The following NAAA variants were observed in gnomAD, a reference collection of about 807,000 sequenced individuals.
NAAA encodes the protein N-acylethanolamine acid amidase, also known as N-acylethanolamine-hydrolyzing acid amidase.
In NAAA, 39 loss-of-function variants were observed where a neutral mutation model predicts 44.8. That is an observed-to-expected ratio of 0.87 (90% confidence interval 0.67 to 1.14). The LOEUF (loss-of-function observed/expected upper bound fraction) is 1.14. Ranked by LOEUF, NAAA falls within the 50% of genes most tolerant of loss-of-function variation. The pLI, the probability that NAAA is intolerant of heterozygous loss-of-function variation, is 0.00. For synonymous variants in NAAA, 178 were observed against 191.3 expected (o/e 0.93, Z 0.58); for missense variants, 460 against 467.8 (o/e 0.98, Z 0.15).
At chr4:75,912,563 A>AC (rs1725373278), downstream of NAAA, among the ~76,000 whole-genome samples, 1 of 151,442 alleles carries the variant, frequency 6.6e-6, no homozygotes, top group Non-Finnish European at 1.5e-5. Flanking sequence ...GGAAAAAAAA[A>AC]AAAAAAAAGA....
At chr4:75,939,885 T>C (rs72651387) in intron 2 of NAAA, 116 bp downstream of exon 2, 113,379 of 1,226,196 alleles carry the variant, frequency 0.092, 7,895 homozygotes, top group African/African-American at 0.34. Context: ...TGGAGGTTTC[T>C]AGGCAAGCAG....
At chr4:75,927,013 A>G (rs1172746158) in intron 4 of NAAA, among the ~76,000 whole-genome samples, 1 of 151,950 alleles carries the variant, frequency 6.6e-6, no homozygotes, top group Non-Finnish European at 1.5e-5. Flanking sequence ...CAAAACAAAA[A>G]AAAAATGGGC....
chr4:75,913,599 A>C, downstream of NAAA: 3 of 825,820 alleles, frequency 3.6e-6, no homozygotes, highest in Non-Finnish European at 4.4e-6. Flanking sequence ...CTTTCTCAGG[A>C]CAGCAGTTCA....
chr4:75,915,062 T>TTGG, intron 9 of NAAA, 77 bp from the exon 10 acceptor site: 3 of 1,078,296 alleles, frequency 2.8e-6, no homozygotes, highest in Non-Finnish European at 4.3e-6. Context: ...GACCAAGTGC[T>TTGG]TCCCTAACAC....
chr4:75,927,653 A>AC (rs796121702), intron 4 of NAAA, among the ~76,000 whole-genome samples: 4 of 134,582 alleles, frequency 3.0e-5, no homozygotes, highest in African/African-American at 1.0e-4. Flanking sequence ...CCCCCGCCAA[A>AC]AAAAATAGCT....
intron 8 of NAAA, 92 bp downstream of exon 8, chr4:75,919,817 C>T: frequency 1.6e-6 from 2 of 1,267,782 alleles, no homozygotes; most frequent in Non-Finnish European, 2.3e-6. Context: ...CTAACGTTTT[C>T]ATCTACCAGA....
chr4:75,934,704 A>G (rs1043769564), intron 3 of NAAA, among the ~76,000 whole-genome samples: 5 of 152,172 alleles, frequency 3.3e-5, no homozygotes, highest in African/African-American at 7.2e-5. Context: ...TCTTAATTTC[A>G]TAAAACAATT....
chr4:75,911,186 C>T (rs1725309464), downstream of NAAA, among the ~76,000 whole-genome samples: 1 of 152,150 alleles, frequency 6.6e-6, no homozygotes, highest in South Asian at 2.1e-4. Context: ...GAACAAATCA[C>T]AATGGTGAAA....
At position 75,920,919 on chromosome 4, in the gene NAAA, A is replaced by G. The variant is rs146608714; in HGVS notation, c.839+32T>C. On this transcript the variant is annotated intron_variant, in intron 6 of 10. Coordinates refer to ENST00000286733, the MANE Select transcript of NAAA (RefSeq NM_014435.4). ...CGATTAAAAAAAATGATTATCTGAT[A>G]CAAAATGACCAGAGCTTTCAATTCT... 3.3e-5 allele frequency: 53 copies of G among 1,613,666 alleles called. No homozygotes were observed. The African/African-American group carries it at 6.8e-4, about 21-fold the overall frequency.
chr4:75,938,250 T>C (rs1382882854), intron 2 of NAAA, among the ~76,000 whole-genome samples: 1 of 152,236 alleles, frequency 6.6e-6, no homozygotes, highest in Non-Finnish European at 1.5e-5. Context: ...TTGTTAATGC[T>C]AGTGAATTGA....
chr4:75,925,116 G>A (rs113398427), intron 5 of NAAA, among the ~76,000 whole-genome samples: 7 of 151,674 alleles, frequency 4.6e-5, no homozygotes, highest in Non-Finnish European at 1.0e-4. Flanking sequence ...CTCAGCCTCC[G>A]GCTCCGCCTC....
Position 75,936,185 on chromosome 4 carries a change from C to A in NAAA, c.422G>T (p.Gly141Val). 6.2e-7 allele frequency: 1 copy of A among 1,613,968 alleles called. No homozygotes were observed. The highest frequency in any genetic ancestry group is 8.5e-7 in the Non-Finnish European group (1 of 1,179,968). Residue 141 changes from glycine to valine, a missense_variant, in exon 3 of 11, where the codon GGT becomes GTT. Coordinates refer to ENST00000286733, the MANE Select transcript of NAAA (RefSeq NM_014435.4). ...AQDSRGHIYH[G>V]RNLDYPFGNV... The stretch of plus-strand genomic sequence containing the variant: ...CCCAAAAGGATAATCCAAATTCCGA[C>A]CATGGTAAATGTGGCCTCTGGAGTC...
rs372350889 is a variant in NAAA at position 75,936,160 on chromosome 4, C to T, written c.447G>A (p.Gly149=). The part of the protein sequence containing the change: ...YHGRNLDYPF[G]NVLRKLTVDV... ...CCACTGTCAGCTTGCGTAAGACATT[C>T]CCAAAAGGATAATCCAAATTCCGAC... Residue 149 remains glycine (G), a synonymous_variant, in exon 3 of 11, where the codon GGG becomes GGA. Transcript: ENST00000286733. 1.9e-6 allele frequency: 3 copies of T among 1,613,866 alleles called. No homozygotes were observed. In the African/African-American group the frequency reaches 4.0e-5, roughly 22 times the overall value.
chr4:75,919,822 A>G lies in NAAA; in HGVS notation c.969+87T>C, dbSNP rs762960000. The G allele has an allele frequency of 9.3e-6, 12 of 1,295,466 alleles. No homozygotes were observed. The African/African-American group carries it at 1.5e-4, about 16-fold the overall frequency. 80.2% of individuals were successfully genotyped at this position (1,295,466 alleles called of 1,614,324 possible). A position where few individuals can be genotyped will look rare whatever the true frequency, so the allele number is the denominator to read the frequency against. On this transcript the variant is annotated intron_variant, in intron 8 of 10. Transcript: ENST00000286733. ...AACTTTTACCCTAACGTTTTCATCT[A>G]CCAGAAGATTTCACGGAGTTTTTCA...
intron 4 of NAAA, 28 bp downstream of exon 4, chr4:75,931,186 A>C: frequency 6.3e-7 from 1 of 1,584,982 alleles, no homozygotes. Context: ...AATGTAGCTA[A>C]AATTACACAG....
At chr4:75,912,678 A>G (rs111685560), downstream of NAAA, among the ~76,000 whole-genome samples, 13,764 of 151,916 alleles carry the variant, frequency 0.091, 1,133 homozygotes, top group African/African-American at 0.22. Context: ...GGAGGCTGAG[A>G]CACAAGAATC....
intron 5 of NAAA, among the ~76,000 whole-genome samples, chr4:75,924,657 C>T (rs1238728480): frequency 1.3e-5 from 2 of 152,196 alleles, no homozygotes; most frequent in Non-Finnish European, 2.9e-5. Flanking sequence ...AAGGGGAGTA[C>T]ATCTGTCTCT....
intron 1 of NAAA, 139 bp from the exon 2 acceptor site, chr4:75,940,304 C>G (rs1331817081): frequency 9.9e-6 from 8 of 808,624 alleles, no homozygotes; most frequent in Non-Finnish European, 1.4e-5. Context: ...ACCGCCCAGG[C>G]GCGGCGTCAC....
At chr4:75,915,952 A>G (rs1725588623) in intron 9 of NAAA, among the ~76,000 whole-genome samples, 1 of 152,234 alleles carries the variant, frequency 6.6e-6, no homozygotes, top group Non-Finnish European at 1.5e-5. Context: ...AGGCAGAATT[A>G]GTAGCACTGG....
Sources: gnomAD v4.1 joint callset for allele counts (sites outside exome capture counted in the v4.1 genomes callset) on GRCh38, gnomAD v4.1.1 for gene constraint, MANE v1.5 for transcripts, NCBI Gene and HGNC (gene_info 2026-07-23, HGNC 2026-07-21) for gene names.